VCF1: variants seen among roughly 807,000 people sequenced by gnomAD.
VCF1 encodes the protein VCP nuclear cofactor family member 1, also known as protein VCF1.
chr17:73,222,299 A>G, the VCF1 span, among the ~76,000 whole-genome samples: 2 of 152,032 alleles, frequency 1.3e-5, no homozygotes, highest in Admixed American at 1.3e-4. Flanking sequence ...TTAAAATTCA[A>G]AGTCTTCAAT....
the VCF1 span, among the ~76,000 whole-genome samples, chr17:73,231,814 A>G: frequency 0.51 from 77,515 of 150,894 alleles, 19,977 homozygotes; most frequent in East Asian, 0.59. Context: ...TCCGGGACCG[A>G]TCACACTTCG....
At chr17:73,217,815 A>G in the VCF1 span, among the ~76,000 whole-genome samples, 1 of 151,238 alleles carries the variant, frequency 6.6e-6, no homozygotes, top group Non-Finnish European at 1.5e-5. Context: ...CTACTAAAAT[A>G]CAAAAAGTTA....
the VCF1 span, chr17:73,209,390 A>C: frequency 8.8e-7 from 1 of 1,138,676 alleles, no homozygotes; most frequent in Non-Finnish European, 1.2e-6. Context: ...ACTGCCTGTT[A>C]ACCTGTTATT....
chr17:73,211,264 C>T, the VCF1 span, among the ~76,000 whole-genome samples: 1 of 151,118 alleles, frequency 6.6e-6, no homozygotes, highest in Non-Finnish European at 1.5e-5. Flanking sequence ...GAGACCTGGC[C>T]AACATGGCAA....
At chr17:73,231,899 G>A in the VCF1 span, among the ~76,000 whole-genome samples, 3 of 152,088 alleles carry the variant, frequency 2.0e-5, no homozygotes, top group African/African-American at 7.2e-5. Flanking sequence ...TCACCTTCCA[G>A]CTACCCACAG....
chr17:73,208,614 C>A, the VCF1 span: 942 of 878,854 alleles, frequency 1.1e-3, 3 homozygotes, highest in Admixed American at 1.1e-3. Context: ...TCAAGTTAAT[C>A]CTTGTCCCAA....
chr17:73,214,404 T>C, the VCF1 span, among the ~76,000 whole-genome samples: 2 of 152,116 alleles, frequency 1.3e-5, no homozygotes, highest in Non-Finnish European at 2.9e-5. Context: ...ATATTTGGTA[T>C]GTACTGGGTT....
the VCF1 span, among the ~76,000 whole-genome samples, chr17:73,231,247 T>C: frequency 2.6e-5 from 4 of 152,208 alleles, no homozygotes; most frequent in Admixed American, 6.5e-5. Flanking sequence ...AGGATCCTTG[T>C]GGAAAGACCG....
the VCF1 span, among the ~76,000 whole-genome samples, chr17:73,217,765 A>T: frequency 6.6e-6 from 1 of 152,022 alleles, no homozygotes; most frequent in South Asian, 2.1e-4. Flanking sequence ...TGAGCTCAGG[A>T]GTTTGAGACC....
chr17:73,219,185 CCGTCTCAAAA>C, the VCF1 span, among the ~76,000 whole-genome samples: 5 of 134,764 alleles, frequency 3.7e-5, no homozygotes, highest in Non-Finnish European at 7.9e-5. Flanking sequence ...GAGAAAAACT[CCGTCTCAAAA>C]AAAAAAAAAA....
the VCF1 span, among the ~76,000 whole-genome samples, chr17:73,211,451 C>G: frequency 1.1e-4 from 16 of 151,412 alleles, no homozygotes; most frequent in African/African-American, 2.9e-4. Flanking sequence ...CGGCTGTAAT[C>G]CCAGCTACTA....
At chr17:73,213,932 T>G in the VCF1 span, among the ~76,000 whole-genome samples, 1 of 152,000 alleles carries the variant, frequency 6.6e-6, no homozygotes, top group Admixed American at 6.6e-5. Flanking sequence ...ATGGCACCAC[T>G]GCACTCCAGC....
chr17:73,221,190 C>CA, the VCF1 span, among the ~76,000 whole-genome samples: 1 of 40 alleles, frequency 0.025, no homozygotes, highest in Non-Finnish European at 0.083. Flanking sequence ...AGCCACCGGG[C>CA]CCCAGCCAAA....
At chr17:73,228,164 A>G in the VCF1 span, among the ~76,000 whole-genome samples, 1 of 152,214 alleles carries the variant, frequency 6.6e-6, no homozygotes, top group African/African-American at 2.4e-5. Context: ...AGCACAGATA[A>G]AGGACATTTC....
chr17:73,207,797 T>C, the VCF1 span: 1 of 1,287,158 alleles, frequency 7.8e-7, no homozygotes, highest in Non-Finnish European at 1.0e-6. Flanking sequence ...GCTTGTCTTC[T>C]TACAGCATCG....
At chr17:73,207,818 T>C in the VCF1 span, 12 of 1,282,562 alleles carry the variant, frequency 9.4e-6, no homozygotes, top group African/African-American at 1.5e-4. Context: ...AGTTGTTTGC[T>C]TTATTGTTAG....
At chr17:73,219,980 A>C in the VCF1 span, among the ~76,000 whole-genome samples, 1 of 151,798 alleles carries the variant, frequency 6.6e-6, no homozygotes, top group East Asian at 1.9e-4. Flanking sequence ...TGTCTCCAAA[A>C]AAAGAAAAAA....
the VCF1 span, chr17:73,227,298 A>C: frequency 3.1e-5 from 45 of 1,453,496 alleles, 1 homozygote; most frequent in Non-Finnish European, 3.7e-5. Flanking sequence ...AAAAAAAAAA[A>C]CCCAAACAAC....
At chr17:73,228,228 T>A in the VCF1 span, among the ~76,000 whole-genome samples, 1 of 152,214 alleles carries the variant, frequency 6.6e-6, no homozygotes, top group African/African-American at 2.4e-5. Context: ...TGTATGTACA[T>A]GGCAGCAGCA....
Sources: allele counts gnomAD v4.1 joint callset (sites outside exome capture counted in the v4.1 genomes callset), GRCh38; gene constraint gnomAD v4.1.1; transcripts MANE v1.5; gene names NCBI Gene and HGNC (gene_info 2026-07-23, HGNC 2026-07-21).